The following NOX3 variants were observed in gnomAD, a reference collection of about 807,000 sequenced individuals.
NOX3 encodes the protein NADPH oxidase catalytic subunit-like 3.
A neutral mutation model predicts 76.7 loss-of-function variants in NOX3; 74 were observed. The ratio of observed to expected loss-of-function variants is 0.96; its 90% confidence interval spans 0.80 to 1.17. The LOEUF is 1.17. NOX3 is among the 50% of genes most tolerant of loss of function. NOX3 has a pLI of 0.00. For missense variants in NOX3, 695 were observed against 703.3 expected (o/e 0.99, Z 0.13); for synonymous variants, 263 against 261.1 (o/e 1.01, Z -0.07).
At chr6:155,442,108 A>C (rs1400697882) in intron 5 of NOX3, among the ~76,000 whole-genome samples, 6 of 152,166 alleles carry the variant, frequency 3.9e-5, no homozygotes, top group East Asian at 1.9e-4. Flanking sequence ...ACTAAAAATA[A>C]CAAAAATTAG....
At chr6:155,441,508 G>A (rs1776985575) in intron 5 of NOX3, among the ~76,000 whole-genome samples, 3 of 152,112 alleles carry the variant, frequency 2.0e-5, no homozygotes, top group Admixed American at 1.3e-4. Flanking sequence ...ACTGGTTACA[G>A]TTGCAATGTA....
intron 10 of NOX3, among the ~76,000 whole-genome samples, chr6:155,414,169 G>A (rs991836718): frequency 6.6e-6 from 1 of 152,186 alleles, no homozygotes; most frequent in Non-Finnish European, 1.5e-5. Context: ...CAGTAGAAGT[G>A]TTTCAGGCAG....
intron 12 of NOX3, among the ~76,000 whole-genome samples, chr6:155,405,532 T>C (rs1211767638): frequency 1.3e-5 from 2 of 152,196 alleles, no homozygotes; most frequent in Non-Finnish European, 2.9e-5. Flanking sequence ...TATATTCATC[T>C]GCCCACTCCA....
At chr6:155,443,592 C>T (rs1002991933) in intron 4 of NOX3, among the ~76,000 whole-genome samples, 174 bp from the exon 5 acceptor site, 5 of 152,150 alleles carry the variant, frequency 3.3e-5, no homozygotes, top group Non-Finnish European at 7.3e-5. Flanking sequence ...GGATTGAATA[C>T]TTCCAAAGAT....
Position 155,430,955 on chromosome 6 carries a change from G to C in NOX3, c.799-20C>G. On this transcript the variant is annotated intron_variant, in intron 7 of 13. Transcript: ENST00000159060. ...CCAAGCCTGAAGAGAGTAGCAGAGA[G>C]AGAGAGAAAAAGGAAATGAAAATAG... 4.2e-6 allele frequency: 6 copies of C among 1,424,980 alleles called. No homozygotes were observed. The highest frequency in any genetic ancestry group is 5.9e-6 in the Non-Finnish European group (6 of 1,016,590). The allele number at this position is 1,424,980 out of a possible 1,614,324, so 88.3% of individuals were successfully genotyped here.
rs144366199 is a variant in NOX3, at chr6:155,415,427, A to G, written c.1309-4067T>C. Among the ~76,000 whole-genome samples the G allele has an allele frequency of 1.2e-4, 18 of 152,344 alleles. No individual in the cohort carries two copies. The East Asian group carries it at 3.5e-3, about 29-fold the overall frequency. ...AGGCAGAGGGCACTTTCACAAATGCAATCTGTATGTCTTTATATCCAAAAT... is the reference window on the plus strand; with the variant it reads ...AGGCAGAGGGCACTTTCACAAATGCGATCTGTATGTCTTTATATCCAAAAT... On this transcript the variant is annotated intron_variant, in intron 10 of 13. Transcript: ENST00000159060.
intron 9 of NOX3, among the ~76,000 whole-genome samples, chr6:155,424,958 C>T (rs1776738744): frequency 6.6e-6 from 1 of 152,194 alleles, no homozygotes; most frequent in African/African-American, 2.4e-5. Context: ...ATTTCTACAT[C>T]TTTAGAATTG....
chr6:155,435,529 T>C (rs956498928), intron 7 of NOX3, among the ~76,000 whole-genome samples: 4 of 152,214 alleles, frequency 2.6e-5, no homozygotes, highest in Admixed American at 2.0e-4. Flanking sequence ...TGAGGGTTTT[T>C]TTTTTAAACA....
chr6:155,398,935 T>G (rs774832952), intron 12 of NOX3, among the ~76,000 whole-genome samples: 2 of 152,204 alleles, frequency 1.3e-5, no homozygotes, highest in African/African-American at 2.4e-5. Flanking sequence ...ATGGCTAGCT[T>G]CCTGATATTA....
chr6:155,400,966 G>T (rs1270931472), intron 12 of NOX3, among the ~76,000 whole-genome samples: 2 of 152,072 alleles, frequency 1.3e-5, no homozygotes, highest in African/African-American at 4.8e-5. Context: ...GGTCAAATGG[G>T]GAAGAAAAAT....
intron 4 of NOX3, among the ~76,000 whole-genome samples, chr6:155,451,817 G>A (rs534947878): frequency 2.6e-5 from 4 of 151,970 alleles, no homozygotes; most frequent in African/African-American, 7.2e-5. Context: ...TGGTAGAGAC[G>A]GGCTTTCACT....
chr6:155,419,589 G>A (rs1216691505), intron 10 of NOX3, among the ~76,000 whole-genome samples: 1 of 151,978 alleles, frequency 6.6e-6, no homozygotes, highest in Admixed American at 6.6e-5. Context: ...TTTTATAAGC[G>A]ATGAAAACAT....
At chr6:155,438,545 G>A (rs1006885126) in intron 6 of NOX3, among the ~76,000 whole-genome samples, 8 of 152,208 alleles carry the variant, frequency 5.3e-5, no homozygotes, top group African/African-American at 2.4e-5. Context: ...TTAGGCACAG[G>A]CAGTGGCAGC....
At chr6:155,430,763 T>A in intron 8 of NOX3, 80 bp downstream of exon 8, 1 of 816,842 alleles carries the variant, frequency 1.2e-6, no homozygotes, top group South Asian at 1.5e-5. Context: ...GCAATAAAAA[T>A]GGCAAATTAA....
chr6:155,428,503 A>G (rs894989937), intron 9 of NOX3, among the ~76,000 whole-genome samples: 1 of 152,250 alleles, frequency 6.6e-6, no homozygotes, highest in Non-Finnish European at 1.5e-5. Context: ...GCTGCATAGA[A>G]GTAACCAGGT....
intron 8 of NOX3, 35 bp from the exon 9 acceptor site, chr6:155,429,082 C>T (rs1282811969): frequency 2.7e-6 from 4 of 1,485,874 alleles, no homozygotes; most frequent in Admixed American, 2.2e-5. Flanking sequence ...TGCCTTTGTC[C>T]TCGAAATAAT....
chr6:155,415,234 G>A (rs1434765476), intron 10 of NOX3, among the ~76,000 whole-genome samples: 1 of 152,168 alleles, frequency 6.6e-6, no homozygotes. Context: ...GGGCCAGTAG[G>A]AAATGGAACT....
Position 155,422,835 on chromosome 6 carries a change from A to G in NOX3, c.1167T>C (p.Phe389=), listed in dbSNP as rs778906850. The G allele has an allele frequency of 3.4e-5, 55 of 1,614,090 alleles. No homozygotes were observed. Among genetic ancestry groups the G allele is most frequent in the Middle Eastern group, 3.3e-4 (2 of 6,082 alleles). Residue 389 remains phenylalanine (F), a synonymous_variant, in exon 10 of 14, where the codon TTT becomes TTC. Transcript: ENST00000159060. ...GAAATACATCTGTCAGGGCAGTTCC[A>G]AAGGGCCCGTCCACTGCCAGCCTGG... ...SLPRLAVDGP[F]GTALTDVFHY... is the part of the protein sequence containing the mutation.
At chr6:155,411,491 G>GTA in intron 10 of NOX3, 131 bp from the exon 11 acceptor site, 1 of 670,452 alleles carries the variant, frequency 1.5e-6, no homozygotes, top group African/African-American at 2.0e-5. Flanking sequence ...GCTTTTTTTT[G>GTA]TGTGTGTCAG....
Sources: allele counts gnomAD v4.1 joint callset (sites outside exome capture counted in the v4.1 genomes callset), GRCh38; gene constraint gnomAD v4.1.1; transcripts MANE v1.5; gene names NCBI Gene and HGNC (gene_info 2026-07-23, HGNC 2026-07-21).